PRMT2: variants seen among roughly 807,000 people sequenced by gnomAD.
The protein encoded by PRMT2 is protein arginine N-methyltransferase 2.
Under a neutral mutation model 57.6 loss-of-function variants are expected in PRMT2, and 26 were observed. That is an observed-to-expected ratio of 0.45 (90% CI 0.33 to 0.63). The LOEUF is 0.63. Ranked by LOEUF, PRMT2 falls within the 20% of genes least tolerant of loss-of-function variation. The pLI is 0.02. For synonymous variants in PRMT2, 219 were observed against 220.0 expected (o/e 1.00, Z 0.04); for missense variants, 472 against 564.4 (o/e 0.84, Z 1.66).
In PRMT2 at chr21:46,658,738, T is replaced by C; in HGVS notation, c.655-7T>C. On this transcript the variant is annotated splice_polypyrimidine_tract_variant and splice_region_variant and intron_variant, in intron 7 of 11. Coordinates refer to ENST00000355680, the MANE Select transcript of PRMT2 (RefSeq NM_206962.4). Reference sequence around the variant, plus strand: ...GTGTCTCCTGTGTGTCTTTCACTCCTATGCAGTTTGAGTTCATGATCGAGT... The same window carrying C: ...GTGTCTCCTGTGTGTCTTTCACTCCCATGCAGTTTGAGTTCATGATCGAGT... The C allele has an allele frequency of 6.2e-7, 1 of 1,613,898 alleles. No homozygotes were observed. Among genetic ancestry groups the C allele is most frequent in the Non-Finnish European group, 8.5e-7 (1 of 1,179,840 alleles).
rs2061472057 is a variant in PRMT2, at chr21:46,652,304, A to G, written c.654+2565A>G. 8 of 1,261,636 alleles carry G rather than the reference A, an allele frequency of 6.3e-6. No homozygotes were observed. In the East Asian group the frequency reaches 2.9e-4, roughly 46 times the overall value. The allele number at this position is 1,261,636 out of a possible 1,614,324, so 78.2% of individuals were successfully genotyped here. A position where few individuals can be genotyped will look rare whatever the true frequency, so the allele number is the denominator to read the frequency against. ...GTTCATAATGAAGCTGTCAAATAAA[A>G]TACTTGACAAAAAATTCCCCTTCAT... On this transcript the variant is annotated intron_variant, in intron 7 of 11. Transcript: ENST00000355680.
Position 46,649,749 on chromosome 21 carries a change from G to A in PRMT2, c.654+10G>A. On this transcript the variant is annotated intron_variant, in intron 7 of 11. Coordinates refer to ENST00000355680, the MANE Select transcript of PRMT2 (RefSeq NM_206962.4). This position sits in a 1 kb window ranked among gnomAD's most constrained non-coding sequence, Gnocchi z 4.8. ...GGGGACCTGCCTGCTGGTGAGGGCG[G>A]GCGTGCGGGCAGCTGGGGGCCGGAG... 6.2e-7 allele frequency: 1 copy of A among 1,610,882 alleles called. No homozygotes were observed. Among genetic ancestry groups the A allele is most frequent in the Non-Finnish European group, 8.5e-7 (1 of 1,178,662 alleles).
At chr21:46,638,424 T>G (rs774752467) in intron 3 of PRMT2, among the ~76,000 whole-genome samples, 1 of 152,236 alleles carries the variant, frequency 6.6e-6, no homozygotes, top group Non-Finnish European at 1.5e-5. Context: ...TTAAATTGTT[T>G]CTAGTTTTTT....
At chr21:46,653,937 T>G in intron 7 of PRMT2, 1 of 133,788 alleles carries the variant, frequency 7.5e-6, no homozygotes, top group Non-Finnish European at 1.5e-5. Flanking sequence ...TCTTTTCTTG[T>G]TTTTTTTTTT....
intron 5 of PRMT2, among the ~76,000 whole-genome samples, chr21:46,646,773 G>A (rs940495720): frequency 2.0e-5 from 3 of 152,058 alleles, no homozygotes; most frequent in African/African-American, 7.2e-5. Context: ...TTGCCAGTTC[G>A]CCCTCCAGAA....
intron 4 of PRMT2, 49 bp downstream of exon 4, chr21:46,643,688 G>A (rs1458822258): frequency 1.9e-6 from 3 of 1,540,512 alleles, no homozygotes; most frequent in African/African-American, 1.4e-5. Context: ...CATGTTCAGT[G>A]TCAAAAGGAG....
rs2061678012 is a variant in PRMT2 at position 46,664,685 on chromosome 21, T to A, written c.*358T>A. On this transcript the variant is annotated 3_prime_UTR_variant, in exon 12 of 12. Transcript: ENST00000355680. ...TAGGACGCACGCATATCAGCCCGTG[T>A]ACCCTGTGACAGTGACTGTCCCCAC... 3.3e-6 allele frequency: 1 copy of A among 302,548 alleles called. No individual in the cohort carries two copies. The highest frequency in any genetic ancestry group is 6.4e-6 in the Non-Finnish European group (1 of 157,064). The allele number at this position is 302,548 out of a possible 1,614,324, so 18.7% of individuals were successfully genotyped here. A position where few individuals can be genotyped will look rare whatever the true frequency, so the allele number is the denominator to read the frequency against.
At chr21:46,656,790 G>C (rs996587840) in intron 7 of PRMT2, 1 of 152,152 alleles carries the variant, frequency 6.6e-6, no homozygotes, top group Non-Finnish European at 1.5e-5. Context: ...CTCTAAAAGC[G>C]TGATCCATAG....
intron 1 of PRMT2, 55 bp from the exon 2 acceptor site, chr21:46,636,384 G>A (rs2061172267): frequency 6.6e-6 from 1 of 152,462 alleles, no homozygotes; most frequent in African/African-American, 2.4e-5. Context: ...TAGAAGTGAA[G>A]CATGCATTTT....
At chr21:46,654,578 C>T (rs1477849075) in intron 7 of PRMT2, among the ~76,000 whole-genome samples, 3 of 152,116 alleles carry the variant, frequency 2.0e-5, no homozygotes, top group Non-Finnish European at 4.4e-5. Context: ...CTGTGGGCTC[C>T]ACATCTGTAG....
chr21:46,637,247 T>G (rs962471598), intron 3 of PRMT2, among the ~76,000 whole-genome samples: 2 of 152,232 alleles, frequency 1.3e-5, no homozygotes, highest in African/African-American at 4.8e-5. Flanking sequence ...GGTTCCATTT[T>G]TGGTACGTGA....
chr21:46,659,200 A>G, intron 8 of PRMT2: 1 of 1,164,220 alleles, frequency 8.6e-7, no homozygotes, highest in Non-Finnish European at 1.1e-6. Context: ...AAGTCAGCAA[A>G]TTATTCTGGA....
Position 46,660,817 on chromosome 21 carries a change from T to C in PRMT2, c.831-16T>C, listed in dbSNP as rs1048528877. On this transcript the variant is annotated splice_polypyrimidine_tract_variant and intron_variant, in intron 8 of 11. Coordinates refer to ENST00000355680, the MANE Select transcript of PRMT2 (RefSeq NM_206962.4). ...TTGCAATGACTCTCAACAGTCGCTT[T>C]GACCTTTTCCCCTAGATCTTTAGCA... 6.2e-7 allele frequency: 1 copy of C among 1,613,064 alleles called. No homozygotes were observed. Among genetic ancestry groups the C allele is most frequent in the African/African-American group, 1.3e-5 (1 of 74,938 alleles).
At chr21:46,651,139 G>A (rs2061443554) in intron 7 of PRMT2, among the ~76,000 whole-genome samples, 1 of 152,216 alleles carries the variant, frequency 6.6e-6, no homozygotes, top group Non-Finnish European at 1.5e-5. Context: ...GCCCCTCTGT[G>A]TGGGAGGTGC....
intron 3 of PRMT2, among the ~76,000 whole-genome samples, chr21:46,641,322 G>A (rs141845387): frequency 1.3e-5 from 2 of 152,170 alleles, no homozygotes; most frequent in African/African-American, 2.4e-5. Flanking sequence ...ATGGAATATC[G>A]TATAGCCATT....
intron 7 of PRMT2, chr21:46,656,725 C>T (rs1569161689): frequency 1.3e-5 from 2 of 152,054 alleles, no homozygotes; most frequent in African/African-American, 2.4e-5. Flanking sequence ...CTATAAACCT[C>T]CTTGAAAAAA....
intron 8 of PRMT2, 151 bp from the exon 9 acceptor site, chr21:46,660,682 G>C (rs188049881): frequency 2.0e-6 from 2 of 987,538 alleles, no homozygotes; most frequent in East Asian, 5.2e-5. Context: ...GTGGAGGCCT[G>C]AGGGCTGCTC....
intron 5 of PRMT2, among the ~76,000 whole-genome samples, chr21:46,647,633 G>A (rs1009845146): frequency 1.3e-5 from 2 of 152,128 alleles, no homozygotes; most frequent in Non-Finnish European, 2.9e-5. Context: ...CCAAAGTACT[G>A]GGATTACAGG....
At chr21:46,646,914 A>G (rs1000343074) in intron 5 of PRMT2, among the ~76,000 whole-genome samples, 1 of 152,252 alleles carries the variant, frequency 6.6e-6, no homozygotes, top group Non-Finnish European at 1.5e-5. Context: ...ATTGGTGTCC[A>G]AGATGGCGCC....
Sources: gnomAD v4.1 joint callset for allele counts (sites outside exome capture counted in the v4.1 genomes callset) on GRCh38, gnomAD v4.1.1 for gene constraint, Gnocchi (gnomAD v3.1) non-coding constraint, MANE v1.5 for transcripts, NCBI Gene and HGNC (gene_info 2026-07-23, HGNC 2026-07-21) for gene names.